Variants in EFCAB5 observed in about 807,000 individuals in gnomAD.
EFCAB5 encodes EF-hand calcium-binding domain-containing protein 5.
Under a neutral mutation model 167.9 loss-of-function variants are expected in EFCAB5, and 131 were observed. The ratio of observed to expected loss-of-function variants is 0.78; its 90% confidence interval spans 0.68 to 0.90. The LOEUF (loss-of-function observed/expected upper bound fraction) is 0.90. EFCAB5 is among the 40% of genes least tolerant of loss of function. The pLI, the probability that EFCAB5 is intolerant of heterozygous loss-of-function variation, is 0.00. For synonymous variants in EFCAB5, 574 were observed against 602.8 expected (o/e 0.95, Z 0.70); for missense variants, 1,663 against 1,745.2 (o/e 0.95, Z 0.84).
chr17:30,044,601 A>G (rs1428510343), intron 8 of EFCAB5, among the ~76,000 whole-genome samples: 2 of 152,138 alleles, frequency 1.3e-5, no homozygotes, highest in Non-Finnish European at 2.9e-5. Context: ...TCTGATATTC[A>G]TTATAATTAA....
rs115658857 is a variant in EFCAB5, at chr17:29,978,833, G to C, written c.767+9466G>C. ...AAAGAAGATAATTTGTCTGTTCATA[G>C]AGTAGGTTGTGGCCTTCTAATGGCT... On this transcript the variant is annotated intron_variant, in intron 4 of 22. Transcript: ENST00000394835. Among the ~76,000 whole-genome samples the C allele has an allele frequency of 6.1e-3, 935 of 152,318 alleles. 7 individuals are homozygous for C. The highest frequency in any genetic ancestry group is 0.021 in the African/African-American group (893 of 41,566).
intron 3 of EFCAB5, among the ~76,000 whole-genome samples, chr17:29,964,487 T>G (rs7212532): frequency 0.49 from 73,800 of 151,766 alleles, 18,326 homozygotes; most frequent in East Asian, 0.69. Flanking sequence ...TAGAGACGGG[T>G]TTTCACCATG....
At position 30,053,348 on chromosome 17, in the gene EFCAB5, T is replaced by G. The variant is rs578147738; in HGVS notation, c.1394T>G (p.Leu465Arg). ...ATTTATGAAGGTTTTGACAAAGTGC[T>G]CTTGGAGATGAATACATTACTTTCT... ...KHIYEGFDKV[L>R]LEMNTLLSAN... The change falls in exon 10 of 23, where the codon CTC (leucine) becomes CGC (arginine). Residue 465 changes from leucine (L) to arginine (R), a missense_variant. Physicochemically the swap from Leu to Arg is moderately radical, Grantham distance 102. Transcript: ENST00000394835. 2.4e-5 allele frequency: 39 copies of G among 1,614,018 alleles called. No individual in the cohort carries two copies. Among genetic ancestry groups the G allele is most frequent in the Non-Finnish European group, 2.9e-5 (34 of 1,179,894 alleles).
intron 15 of EFCAB5, among the ~76,000 whole-genome samples, chr17:30,079,491 CATA>C (rs368635300): frequency 2.6e-5 from 4 of 152,158 alleles, no homozygotes; most frequent in South Asian, 4.1e-4. Context: ...TTGTTAATAA[CATA>C]ATAATAATAT....
At position 30,003,099 on chromosome 17, in the gene EFCAB5, C is replaced by CG. The variant is rs142050259; in HGVS notation, c.1044+3133dup. On this transcript the variant is annotated intron_variant, in intron 7 of 22. Transcript: ENST00000394835. The stretch of plus-strand genomic sequence containing the variant: ...CTTTTTTCCTCTTTTTTTTTTGTAG[C>CG]GGGGGGGGGGTCTGATATTTCCTCT... 5.7e-3 allele frequency among the ~76,000 whole-genome samples: 590 copies of CG among 104,316 alleles called. 6 individuals are homozygous for CG. The highest frequency in any genetic ancestry group is 0.029 in the South Asian group (88 of 3,000). 68.4% of individuals were successfully genotyped at this position (104,316 alleles called of 152,430 possible).
chr17:29,962,262 T>A (rs1479335389), intron 3 of EFCAB5, among the ~76,000 whole-genome samples: 1 of 152,232 alleles, frequency 6.6e-6, no homozygotes, highest in African/African-American at 2.4e-5. Flanking sequence ...AATCTGTAGA[T>A]CACTTTGGGT....
At chr17:29,942,976 T>A (rs2067323433) in intron 2 of EFCAB5, among the ~76,000 whole-genome samples, 1 of 151,840 alleles carries the variant, frequency 6.6e-6, no homozygotes, top group South Asian at 2.1e-4. Flanking sequence ...AGGCGGAGGT[T>A]GCAGTGAGCC....
chr17:30,024,754 G>A (rs2069271996), intron 7 of EFCAB5, among the ~76,000 whole-genome samples: 1 of 152,086 alleles, frequency 6.6e-6, no homozygotes, highest in Admixed American at 6.6e-5. Context: ...GAACAAAGCT[G>A]GAGGCATCAT....
chr17:30,008,497 C>T (rs557759403), intron 7 of EFCAB5, among the ~76,000 whole-genome samples: 1 of 151,908 alleles, frequency 6.6e-6, no homozygotes, highest in South Asian at 2.1e-4. Flanking sequence ...GAGGCTGAGG[C>T]AGGAGAATCA....
rs562442767 is a variant in EFCAB5 at position 30,107,956 on chromosome 17, C to A, written c.4444C>A (p.Pro1482Thr). 5.2e-5 allele frequency: 84 copies of A among 1,611,428 alleles called. No individual in the cohort carries two copies. The South Asian group carries it at 8.8e-4, about 17-fold the overall frequency. ...TKQLNSGITP[P>T]LPSKTDNYMY... ...ACAACTAAATAGTGGTATTACACCT[C>A]CGTTGCCCTCCAAGACTGACAATTA... The change falls in exon 23 of 23, where the codon CCG (proline) becomes ACG (threonine). Residue 1482 changes from proline to threonine, a missense_variant. Coordinates refer to ENST00000394835, the MANE Select transcript of EFCAB5 (RefSeq NM_198529.4).
At chr17:30,106,778 A>T (rs2151864085) in intron 22 of EFCAB5, among the ~76,000 whole-genome samples, 1 of 152,180 alleles carries the variant, frequency 6.6e-6, no homozygotes, top group East Asian at 1.9e-4. Flanking sequence ...TTTTTGAGCA[A>T]CTACTCTGTG....
chr17:30,072,920 T>C (rs1384436520), intron 14 of EFCAB5, among the ~76,000 whole-genome samples: 1 of 152,172 alleles, frequency 6.6e-6, no homozygotes. Flanking sequence ...GTATTCATGG[T>C]TTCCTTTTTT....
At chr17:30,015,936 G>T (rs544990880) in intron 7 of EFCAB5, among the ~76,000 whole-genome samples, 1 of 151,824 alleles carries the variant, frequency 6.6e-6, no homozygotes, top group East Asian at 1.9e-4. Context: ...TTGCCACCAC[G>T]CCCAGCTAAT....
rs35119577 is a variant in EFCAB5, at chr17:30,051,117, G to T, written c.1201-1G>T. ...AATCACAAACTTTCTTCTTTGCTTA[G>T]GTAGGGTTTTTGGATCGGCAGAGGA... On this transcript the variant is annotated splice_acceptor_variant, in intron 8 of 22. Coordinates refer to ENST00000394835, the MANE Select transcript of EFCAB5 (RefSeq NM_198529.4). LOFTEE classifies it high-confidence loss of function. 3.7e-6 allele frequency: 6 copies of T among 1,613,450 alleles called. No homozygotes were observed. The highest frequency in any genetic ancestry group is 1.6e-4 in the Middle Eastern group (1 of 6,084).
At position 29,943,603 on chromosome 17, in the gene EFCAB5, C is replaced by T. The variant is rs780167901; in HGVS notation, c.144C>T (p.Asp48=). 18 of 1,586,424 alleles carry T rather than the reference C, an allele frequency of 1.1e-5. No homozygotes were observed. Among genetic ancestry groups the T allele is most frequent in the Non-Finnish European group, 1.5e-5 (18 of 1,165,800 alleles). The change falls in exon 3 of 23, where the codon GAC becomes GAT. Residue 48 remains aspartate, a synonymous_variant. Coordinates refer to ENST00000394835, the MANE Select transcript of EFCAB5 (RefSeq NM_198529.4). ...TGCCAGACGTTCCTGTAAAAGAGGA[C>T]ACCAACAGTGTGGTGGAGAAAGCAA... ...QSVPDVPVKE[D]TNSVVEKAMD...
rs141455625 is a variant in EFCAB5 at position 30,013,136 on chromosome 17, A to G, written c.1044+13160A>G. On this transcript the variant is annotated intron_variant, in intron 7 of 22. Coordinates refer to ENST00000394835, the MANE Select transcript of EFCAB5 (RefSeq NM_198529.4). ...TTTGTGTATGTTGAACCAGTCTTGC[A>G]TCCCAGGGATGAAGCCAACTTGATC... 9.2e-5 allele frequency among the ~76,000 whole-genome samples: 14 copies of G among 152,232 alleles called. No individual in the cohort carries two copies. The East Asian group carries it at 2.7e-3, about 29-fold the overall frequency.
intron 10 of EFCAB5, 30 bp from the exon 11 acceptor site, chr17:30,055,858 T>G (rs1237503222): frequency 6.2e-7 from 1 of 1,603,162 alleles, no homozygotes; most frequent in Non-Finnish European, 8.5e-7. Flanking sequence ...TAATGTCTAA[T>G]TCATAAGCAT....
At chr17:30,000,978 G>T (rs2068649733) in intron 7 of EFCAB5, among the ~76,000 whole-genome samples, 1 of 152,130 alleles carries the variant, frequency 6.6e-6, no homozygotes, top group Admixed American at 6.6e-5. Context: ...GACAACCAGA[G>T]ATAGCCCTTC....
At chr17:30,068,796 G>A (rs899624320) in intron 14 of EFCAB5, 8 of 1,359,892 alleles carry the variant, frequency 5.9e-6, no homozygotes, top group Non-Finnish European at 8.4e-6. Flanking sequence ...CCCGCGAAAT[G>A]ATTTCTCACA....
Sources: gnomAD v4.1 joint callset for allele counts (sites outside exome capture counted in the v4.1 genomes callset) on GRCh38, gnomAD v4.1.1 for gene constraint, MANE v1.5 for transcripts, NCBI Gene and HGNC (gene_info 2026-07-23, HGNC 2026-07-21) for gene names.